The following ZNF611 variants were observed in gnomAD, a reference collection of about 807,000 sequenced individuals.
The protein encoded by ZNF611 is zinc finger protein 611.
Under a neutral mutation model 8.9 loss-of-function variants are expected in ZNF611, and 6 were observed. That is an observed-to-expected ratio of 0.68 (90% confidence interval 0.37 to 1.34). The LOEUF is 1.34. ZNF611 is among the 40% of genes most tolerant of loss of function. ZNF611 has a pLI of 0.02. For missense variants in ZNF611, 874 were observed against 841.3 expected (o/e 1.04, Z -0.48); for synonymous variants, 262 against 279.7 (o/e 0.94, Z 0.63).
intron 1 of ZNF611, among the ~76,000 whole-genome samples, chr19:52,730,661 C>A (rs950211265): frequency 2.0e-5 from 3 of 150,590 alleles, no homozygotes; most frequent in African/African-American, 7.3e-5. Flanking sequence ...CTTGGCTCAC[C>A]GCAAACTTTG....
chr19:52,726,735 T>C (rs1294485184), intron 3 of ZNF611, among the ~76,000 whole-genome samples: 2 of 151,820 alleles, frequency 1.3e-5, no homozygotes, highest in Non-Finnish European at 2.9e-5. Context: ...TTTTTTTTTT[T>C]TTTTCTTTTT....
At chr19:52,708,970 G>A (rs2062262416) in intron 5 of ZNF611, 2 of 152,146 alleles carry the variant, frequency 1.3e-5, no homozygotes, top group Admixed American at 6.5e-5. Context: ...TAGTTATCTA[G>A]TTCACTATGC....
intron 1 of ZNF611, among the ~76,000 whole-genome samples, chr19:52,733,332 G>A (rs894123417): frequency 2.0e-5 from 3 of 151,892 alleles, no homozygotes; most frequent in African/African-American, 7.3e-5. Flanking sequence ...ACAAGGTCTC[G>A]CTCTGACGAC....
rs1377184185 is a variant in ZNF611 at position 52,714,199 on chromosome 19, C to T, written c.64-58G>A. On this transcript the variant is annotated intron_variant, in intron 4 of 5. Transcript: ENST00000652185. ...ATGGAGTAATGAGTTATCACCTTCA[C>T]AGAAAATGAGAAATGAGAAAATAAG... is the stretch of plus-strand genomic sequence containing the variant. The T allele has an allele frequency of 5.7e-6, 9 of 1,584,700 alleles. No individual in the cohort carries two copies. In the Admixed American group the frequency reaches 1.0e-4, roughly 18 times the overall value.
chr19:52,713,947 T>C (rs2062297431), intron 5 of ZNF611, 68 bp downstream of exon 5: 1 of 1,593,418 alleles, frequency 6.3e-7, no homozygotes, highest in Non-Finnish European at 8.5e-7. Flanking sequence ...CAAAAGAGGA[T>C]ACAAAGCCAG....
rs114336405 is a variant in ZNF611, at chr19:52,709,306, T to C, written c.191-2442A>G. 6.9e-3 allele frequency among the ~76,000 whole-genome samples: 1,057 copies of C among 152,230 alleles called. 6 individuals carry two copies. The highest frequency in any genetic ancestry group is 0.024 in the African/African-American group (995 of 41,548). ...TTTATTTTTTGAGAGGGAGTATCACTGTGTAGCCCAGCCTGGAGTGCGGTG... is the reference window on the plus strand; with the variant it reads ...TTTATTTTTTGAGAGGGAGTATCACCGTGTAGCCCAGCCTGGAGTGCGGTG... On this transcript the variant is annotated intron_variant, in intron 5 of 5. Transcript: ENST00000652185.
intron 4 of ZNF611, among the ~76,000 whole-genome samples, chr19:52,714,946 C>T (rs1407470491): frequency 1.3e-5 from 2 of 150,200 alleles, no homozygotes; most frequent in Non-Finnish European, 3.0e-5. Flanking sequence ...TGCAGTGAGC[C>T]AAGATCGCAC....
chr19:52,710,698 AGT>A (rs1377941667), intron 5 of ZNF611, among the ~76,000 whole-genome samples: 1 of 152,196 alleles, frequency 6.6e-6, no homozygotes, highest in Non-Finnish European at 1.5e-5. Flanking sequence ...CAGTGAAAAG[AGT>A]GAGACAGGAA....
chr19:52,711,351 CAAAAAACA>C (rs2062278463), intron 5 of ZNF611: 1 of 115,682 alleles, frequency 8.6e-6, no homozygotes, highest in Non-Finnish European at 1.8e-5. Context: ...CAAAACTAAA[CAAAAAACA>C]AAAAAAAAAA....
chr19:52,734,057 C>T (rs921409952), intron 1 of ZNF611, among the ~76,000 whole-genome samples: 22 of 151,992 alleles, frequency 1.4e-4, no homozygotes, highest in African/African-American at 5.1e-4. Context: ...ATCCTTCCCT[C>T]TCTCCCTCAC....
chr19:52,734,124 CT>C (rs1023060660), intron 1 of ZNF611, among the ~76,000 whole-genome samples: 1 of 80,602 alleles, frequency 1.2e-5, no homozygotes, highest in African/African-American at 6.1e-5. Flanking sequence ...CTTCATCTCT[CT>C]GTACATCTAT....
In ZNF611 at chr19:52,705,682, A is replaced by T; in HGVS notation, c.1373T>A (p.Val458Asp). Residue 458 changes from valine to aspartate, a missense_variant, in exon 6 of 6, where the codon GTT (valine) becomes GAT (aspartate). By Grantham distance (152) the Val-to-Asp change is radical. Coordinates refer to ENST00000652185, the MANE Select transcript of ZNF611 (RefSeq NM_001161499.2). ...HGGEKSYKCK[V>D]CDKAFVWSSQ... ...ACTCCACACAAAAGCCTTGTCACAA[A>T]CCTTACATTTGTAAGATTTCTCTCC... The T allele has an allele frequency of 6.2e-7, 1 of 1,613,420 alleles. No homozygotes were observed. The highest frequency in any genetic ancestry group is 8.5e-7 in the Non-Finnish European group (1 of 1,179,774).
At chr19:52,718,699 G>A (rs2062334265) in intron 3 of ZNF611, among the ~76,000 whole-genome samples, 1 of 152,112 alleles carries the variant, frequency 6.6e-6, no homozygotes, top group Non-Finnish European at 1.5e-5. Flanking sequence ...TCAGGAGGCT[G>A]AGGCAGGAGA....
At chr19:52,720,225 C>T (rs1713042216) in intron 3 of ZNF611, among the ~76,000 whole-genome samples, 1 of 152,244 alleles carries the variant, frequency 6.6e-6, no homozygotes, top group African/African-American at 2.4e-5. Flanking sequence ...ACATTTCCCC[C>T]TTTTCTTTTC....
intron 5 of ZNF611, 141 bp from the exon 6 acceptor site, chr19:52,707,005 C>T: frequency 2.2e-6 from 3 of 1,361,596 alleles, no homozygotes; most frequent in Non-Finnish European, 3.0e-6. Flanking sequence ...ACGAAAGGAG[C>T]AATATTCTTT....
chr19:52,713,892 A>G (rs2147426462), intron 5 of ZNF611, 123 bp downstream of exon 5: 3 of 1,541,304 alleles, frequency 1.9e-6, no homozygotes, highest in Non-Finnish European at 2.6e-6. Context: ...ACACCATCTC[A>G]AAAACAAAAA....
In ZNF611 at chr19:52,713,995, T is replaced by A; in HGVS notation, c.190+20A>T. ...TAGACAAGAGCAGACTCCTCATGTC[T>A]GCAGGGACATTTTCCTCACCCACAG... On this transcript the variant is annotated intron_variant, in intron 5 of 5. Transcript: ENST00000652185. The A allele has an allele frequency of 6.2e-7, 1 of 1,613,962 alleles. No homozygotes were observed. Among genetic ancestry groups the A allele is most frequent in the Non-Finnish European group, 8.5e-7 (1 of 1,179,972 alleles).
At chr19:52,715,275 T>C (rs2062308803) in intron 4 of ZNF611, among the ~76,000 whole-genome samples, 1 of 152,022 alleles carries the variant, frequency 6.6e-6, no homozygotes, top group South Asian at 2.1e-4. Context: ...GGGAACATGC[T>C]GAAACCCCTT....
chr19:52,728,262 G>C (rs1021297794), intron 3 of ZNF611, among the ~76,000 whole-genome samples: 3 of 152,146 alleles, frequency 2.0e-5, no homozygotes, highest in African/African-American at 7.2e-5. Context: ...CCCTGGGCCG[G>C]GCGTGGTGGG....
Sources: allele counts gnomAD v4.1 joint callset (sites outside exome capture counted in the v4.1 genomes callset), GRCh38; gene constraint gnomAD v4.1.1; transcripts MANE v1.5; gene names NCBI Gene and HGNC (gene_info 2026-07-23, HGNC 2026-07-21).